The following NTM variants were observed in gnomAD, a reference collection of about 807,000 sequenced individuals.
The protein encoded by NTM is IgLON family member 2.
A neutral mutation model predicts 42.1 loss-of-function variants in NTM; 13 were observed. That is an observed-to-expected ratio of 0.31 (90% confidence interval 0.20 to 0.49). The LOEUF (loss-of-function observed/expected upper bound fraction) is 0.49, where lower values mean the gene tolerates loss of function less well. Ranked by LOEUF, NTM falls within the 20% of genes least tolerant of loss-of-function variation. The pLI is 0.99. For synonymous variants in NTM, 187 were observed against 179.2 expected (o/e 1.04, Z -0.35); for missense variants, 373 against 452.8 (o/e 0.82, Z 1.60).
intron 3 of NTM, among the ~76,000 whole-genome samples, chr11:132,147,091 C>T (rs186242704): frequency 1.5e-3 from 235 of 152,000 alleles, no homozygotes; most frequent in African/African-American, 5.4e-3. Context: ...ATACTGGTGT[C>T]TGATTCTCCC....
intron 6 of NTM, among the ~76,000 whole-genome samples, chr11:132,310,798 C>A (rs368682777): frequency 1.4e-4 from 22 of 152,272 alleles, no homozygotes; most frequent in African/African-American, 5.3e-4. Flanking sequence ...ATTGTCACAG[C>A]ATCCTCGGGA....
chr11:132,196,174 G>A (rs2080173578), intron 3 of NTM, among the ~76,000 whole-genome samples: 1 of 152,070 alleles, frequency 6.6e-6, no homozygotes, highest in African/African-American at 2.4e-5. Context: ...CATACATGTG[G>A]CTAAGAAATA....
intron 4 of NTM, among the ~76,000 whole-genome samples, chr11:132,295,549 A>T (rs2094581197): frequency 6.6e-6 from 1 of 152,242 alleles, no homozygotes; most frequent in Non-Finnish European, 1.5e-5. Context: ...CGGAAGTTTG[A>T]ATGTGACGAA....
intron 1 of NTM, among the ~76,000 whole-genome samples, chr11:131,866,438 C>CT (rs1321465922): frequency 6.6e-6 from 1 of 152,376 alleles, no homozygotes; most frequent in East Asian, 1.9e-4. Context: ...AAGGGCAGGC[C>CT]TTAGGCACGG....
intron 1 of NTM, among the ~76,000 whole-genome samples, chr11:131,783,758 G>A (rs1006593394): frequency 6.6e-6 from 1 of 152,062 alleles, no homozygotes; most frequent in African/African-American, 2.4e-5. Context: ...AGGCAAAAAG[G>A]ACAAACTGAA....
intron 1 of NTM, among the ~76,000 whole-genome samples, chr11:131,886,853 C>T (rs183193521): frequency 2.9e-4 from 44 of 152,336 alleles, no homozygotes; most frequent in African/African-American, 9.1e-4. Flanking sequence ...TTATCTGTCC[C>T]GCTGGGATGA....
At chr11:132,059,614 T>C (rs145460360) in intron 2 of NTM, among the ~76,000 whole-genome samples, 2 of 152,202 alleles carry the variant, frequency 1.3e-5, no homozygotes, top group African/African-American at 4.8e-5. Context: ...ACCTCACTAC[T>C]CAAGCCAAGC....
chr11:131,448,590 T>C (rs1950244353), intron 1 of NTM, among the ~76,000 whole-genome samples: 1 of 152,254 alleles, frequency 6.6e-6, no homozygotes, highest in Admixed American at 6.5e-5. Context: ...TTCCAATTTC[T>C]TCTTCTCTGA....
chr11:131,576,906 A>G (rs1412773524), intron 1 of NTM, among the ~76,000 whole-genome samples: 2 of 152,236 alleles, frequency 1.3e-5, no homozygotes, highest in Non-Finnish European at 2.9e-5. Flanking sequence ...TGATATGGTT[A>G]TTGCAAGATT....
chr11:131,648,553 G>A (rs2066056254), intron 1 of NTM, among the ~76,000 whole-genome samples: 2 of 151,932 alleles, frequency 1.3e-5, no homozygotes, highest in South Asian at 4.2e-4. Context: ...GGAATGAGAT[G>A]GTATCTCATT....
At chr11:131,666,232 C>T (rs2069022263) in intron 1 of NTM, among the ~76,000 whole-genome samples, 1 of 152,200 alleles carries the variant, frequency 6.6e-6, no homozygotes, top group African/African-American at 2.4e-5. Flanking sequence ...CACTCCTTTG[C>T]TCTCAGCCTT....
At chr11:131,754,955 T>A (rs1275693688) in intron 1 of NTM, among the ~76,000 whole-genome samples, 1 of 152,192 alleles carries the variant, frequency 6.6e-6, no homozygotes, top group East Asian at 1.9e-4. Context: ...GGCAAAACTC[T>A]ACGATTCCAT....
chr11:131,592,709 A>T (rs908143), intron 1 of NTM, among the ~76,000 whole-genome samples: 8 of 150,426 alleles, frequency 5.3e-5, no homozygotes, highest in African/African-American at 1.7e-4. Flanking sequence ...GTTGACCTTT[A>T]GGGGCTGTTT....
intron 1 of NTM, among the ~76,000 whole-genome samples, chr11:131,622,666 G>A (rs7114122): frequency 0.034 from 5,180 of 152,232 alleles, 252 homozygotes; most frequent in African/African-American, 0.12. Flanking sequence ...GAAAAACGGC[G>A]TAAATCTGCT....
intron 2 of NTM, among the ~76,000 whole-genome samples, chr11:131,942,554 T>C (rs2059909653): frequency 6.6e-6 from 1 of 152,124 alleles, no homozygotes; most frequent in Non-Finnish European, 1.5e-5. Context: ...ACACATAACA[T>C]TGTCTCTGCA....
chr11:131,904,098 A>T (rs1352664268), intron 1 of NTM, among the ~76,000 whole-genome samples: 1 of 152,208 alleles, frequency 6.6e-6, no homozygotes, highest in Non-Finnish European at 1.5e-5. Flanking sequence ...TACAAAGTAC[A>T]GTTGGACCCA....
chr11:131,498,329 A>C (rs1188858073), intron 1 of NTM, among the ~76,000 whole-genome samples: 2 of 152,190 alleles, frequency 1.3e-5, no homozygotes, highest in Non-Finnish European at 2.9e-5. Context: ...CACCTTCCAG[A>C]GTGGCTGGGA....
rs183537350 is a variant in NTM at position 132,330,258 on chromosome 11, A to T, written c.967+73A>T. On this transcript the variant is annotated intron_variant, in intron 8 of 8. Coordinates refer to ENST00000683400, the MANE Select transcript of NTM (RefSeq NM_001352005.2). ...GTAAAACTCTTCACCTTCCTCCCAGATGCCTTCTTTCCTGAGCTAACTCCA... is the reference window on the plus strand; with the variant it reads ...GTAAAACTCTTCACCTTCCTCCCAGTTGCCTTCTTTCCTGAGCTAACTCCA... 9.3e-6 allele frequency: 14 copies of T among 1,511,506 alleles called. No homozygotes were observed. The Admixed American group carries it at 2.4e-4, about 26-fold the overall frequency. 93.6% of individuals were successfully genotyped at this position (1,511,506 alleles called of 1,614,324 possible).
At chr11:132,102,631 G>A (rs4491240) in intron 2 of NTM, among the ~76,000 whole-genome samples, 19,475 of 152,250 alleles carry the variant, frequency 0.13, 1,468 homozygotes, top group South Asian at 0.2. Flanking sequence ...CCACAGTGTG[G>A]AAGAGTTTTG....
Sources: allele counts gnomAD v4.1 joint callset (sites outside exome capture counted in the v4.1 genomes callset), GRCh38; gene constraint gnomAD v4.1.1; transcripts MANE v1.5; gene names NCBI Gene and HGNC (gene_info 2026-07-23, HGNC 2026-07-21).